The following ZNF664 variants were observed in gnomAD, a reference collection of about 807,000 sequenced individuals.
ZNF664 encodes zinc finger Organ of Corti 1.
ZNF664 carries 10 observed loss-of-function variants against 18.2 expected under a neutral mutation model. The observed-to-expected ratio is 0.55, with a 90% confidence interval of 0.34 to 0.93. The LOEUF (loss-of-function observed/expected upper bound fraction) is 0.93. ZNF664 is among the 40% of genes least tolerant of loss of function. The pLI, the probability that ZNF664 is intolerant of heterozygous loss-of-function variation, is 0.02. For synonymous variants in ZNF664, 119 were observed against 104.2 expected, an observed-to-expected ratio of 1.14 and a Z score of -0.86; for missense variants, 193 against 319.0, an observed-to-expected ratio of 0.61 and a Z score of 3.01.
At chr12:123,983,000 C>T (rs557248792) in intron 2 of ZNF664, among the ~76,000 whole-genome samples, 9 of 152,056 alleles carry the variant, frequency 5.9e-5, no homozygotes, top group Non-Finnish European at 1.3e-4. Flanking sequence ...ACCAAAAATA[C>T]AAAAATTAGC....
At chr12:124,000,242 C>G (rs1186621943) in intron 3 of ZNF664, among the ~76,000 whole-genome samples, 1 of 152,188 alleles carries the variant, frequency 6.6e-6, no homozygotes, top group Non-Finnish European at 1.5e-5. Context: ...CACACCACCT[C>G]TGTTCTCCTC....
chr12:123,974,058 T>C, intron 2 of ZNF664, 38 bp downstream of exon 2: 2 of 1,037,772 alleles, frequency 1.9e-6, no homozygotes, highest in Non-Finnish European at 2.4e-6. Flanking sequence ...TCCCTCTGAC[T>C]CCCGCCTCCG....
chr12:123,995,378 ATTC>A (rs1956936445), intron 3 of ZNF664, among the ~76,000 whole-genome samples: 5 of 152,208 alleles, frequency 3.3e-5, no homozygotes, highest in Admixed American at 3.3e-4. Context: ...CTAAAATGCA[ATTC>A]TGATTTGGTA....
intron 3 of ZNF664, among the ~76,000 whole-genome samples, chr12:123,992,838 G>A (rs2138381098): frequency 6.6e-6 from 1 of 152,322 alleles, no homozygotes; most frequent in South Asian, 2.1e-4. Context: ...GCTTTGTGGT[G>A]TGGAGGATTT....
chr12:124,014,995 G>A lies in ZNF664; in HGVS notation c.*2065G>A, dbSNP rs1048497. 0.11 allele frequency: 18,983 copies of A among 166,918 alleles called. 1,171 individuals carry two copies. The highest frequency in any genetic ancestry group is 0.16 in the Non-Finnish European group (11,147 of 67,976). 10.3% of individuals were successfully genotyped at this position (166,918 alleles called of 1,614,324 possible). A position where few individuals can be genotyped will look rare whatever the true frequency, so the allele number is the denominator to read the frequency against. On this transcript the variant is annotated 3_prime_UTR_variant, in exon 5 of 5. Coordinates refer to ENST00000337815, the MANE Select transcript of ZNF664 (RefSeq NM_152437.3). ...TTCCAGGCCTGAATTCCACAAGTACGATTTACTGTAGTGTCTTATCACTCT... is the reference window on the plus strand; with the variant it reads ...TTCCAGGCCTGAATTCCACAAGTACAATTTACTGTAGTGTCTTATCACTCT...
At chr12:124,010,321 C>T (rs188210140) in intron 3 of ZNF664, among the ~76,000 whole-genome samples, 1 of 152,248 alleles carries the variant, frequency 6.6e-6, no homozygotes, top group East Asian at 1.9e-4. Context: ...AAAAGTGTTA[C>T]TTTAAGAAGA....
Position 124,012,650 on chromosome 12 carries a change from A to G in ZNF664, c.506A>G (p.Lys169Arg). The change falls in exon 5 of 5, where the codon AAA becomes AGA. Residue 169 changes from lysine to arginine, a missense_variant. Around this residue, in one of 3 missense-constraint regions of ZNF664, gnomAD observed 61 missense variants for 153.7 expected, o/e 0.40. Transcript: ENST00000337815. The part of the protein sequence containing the change: ...CMHQRVHTGE[K>R]PYKCYECGKA... ...CATCAAAGAGTCCACACAGGAGAGA[A>G]ACCCTATAAATGTTATGAGTGTGGG... The G allele has an allele frequency of 6.2e-7, 1 of 1,614,202 alleles. No individual in the cohort carries two copies. The highest frequency in any genetic ancestry group is 8.5e-7 in the Non-Finnish European group (1 of 1,180,018).
chr12:124,011,972 C>T lies in ZNF664; in HGVS notation c.-173C>T, dbSNP rs573597891. On this transcript the variant is annotated 5_prime_UTR_variant, in exon 5 of 5. Coordinates refer to ENST00000337815, the MANE Select transcript of ZNF664 (RefSeq NM_152437.3). ...GAACACTATGCAGGAAGAAACCTTC[C>T]GTAGAAAGACAGGCAGGGAAAAGCT... 214 of 1,426,778 alleles carry T rather than the reference C, an allele frequency of 1.5e-4. No individual in the cohort carries two copies. The South Asian group carries it at 2.2e-3, about 15-fold the overall frequency. 88.4% of individuals were successfully genotyped at this position (1,426,778 alleles called of 1,614,324 possible). A position where few individuals can be genotyped will look rare whatever the true frequency, so the allele number is the denominator to read the frequency against.
At chr12:124,000,302 T>C (rs998982014) in intron 3 of ZNF664, among the ~76,000 whole-genome samples, 1 of 152,180 alleles carries the variant, frequency 6.6e-6, no homozygotes, top group African/African-American at 2.4e-5. Flanking sequence ...ATGGCCTTGC[T>C]TCCTGCTTCC....
At position 124,014,726 on chromosome 12, in the gene ZNF664, A is replaced by AT. The variant is rs1358181323; in HGVS notation, c.*1802dup. 2 of 166,914 alleles carry AT rather than the reference A, an allele frequency of 1.2e-5. No individual in the cohort carries two copies. The highest frequency in any genetic ancestry group is 2.9e-5 in the Non-Finnish European group (2 of 68,102). 10.3% of individuals were successfully genotyped at this position (166,914 alleles called of 1,614,324 possible). A position where few individuals can be genotyped will look rare whatever the true frequency, so the allele number is the denominator to read the frequency against. ...GATTTTTCTTTCCATATTTGAATTA[A>AT]TTTTTTCTGTTTGACTGGAAGGGGT... On this transcript the variant is annotated 3_prime_UTR_variant, in exon 5 of 5. Coordinates refer to ENST00000337815, the MANE Select transcript of ZNF664 (RefSeq NM_152437.3).
intron 3 of ZNF664, among the ~76,000 whole-genome samples, chr12:123,994,323 G>A (rs1956922753): frequency 6.6e-6 from 1 of 152,132 alleles, no homozygotes; most frequent in Non-Finnish European, 1.5e-5. Flanking sequence ...TATGTGGGTT[G>A]CAGGCTTTGG....
At chr12:123,990,537 GTTC>G (rs1477281402) in intron 3 of ZNF664, among the ~76,000 whole-genome samples, 10 of 152,146 alleles carry the variant, frequency 6.6e-5, no homozygotes, top group African/African-American at 9.7e-5. Context: ...TTTCCGGTCT[GTTC>G]TTCTTTTCTT....
intron 3 of ZNF664, among the ~76,000 whole-genome samples, chr12:124,006,426 C>G (rs528591602): frequency 1.3e-5 from 2 of 152,196 alleles, no homozygotes; most frequent in South Asian, 4.1e-4. Context: ...TCCTGTACCC[C>G]CGTCTTCAGG....
At chr12:124,003,923 C>G (rs1217074563) in intron 3 of ZNF664, among the ~76,000 whole-genome samples, 1 of 152,186 alleles carries the variant, frequency 6.6e-6, no homozygotes, top group Non-Finnish European at 1.5e-5. Flanking sequence ...TATTCAGCCA[C>G]TTGGGTGCGT....
intron 2 of ZNF664, among the ~76,000 whole-genome samples, chr12:123,976,573 T>A (rs1956694277): frequency 6.6e-6 from 1 of 152,136 alleles, no homozygotes; most frequent in Admixed American, 6.5e-5. Flanking sequence ...GGTTGGGATT[T>A]ACGAAGAGGA....
At chr12:123,991,737 G>A (rs1053204587) in intron 3 of ZNF664, among the ~76,000 whole-genome samples, 28 of 152,198 alleles carry the variant, frequency 1.8e-4, no homozygotes, top group African/African-American at 6.5e-4. Flanking sequence ...CATTCCAGAG[G>A]TCATTTTGTG....
intron 3 of ZNF664, among the ~76,000 whole-genome samples, chr12:124,001,350 A>T (rs1957009716): frequency 6.6e-6 from 1 of 152,228 alleles, no homozygotes; most frequent in African/African-American, 2.4e-5. Flanking sequence ...ATCTGATGTT[A>T]CTACCAAATT....
At chr12:123,998,358 C>T (rs772001793) in intron 3 of ZNF664, 1 of 152,108 alleles carries the variant, frequency 6.6e-6, no homozygotes, top group Non-Finnish European at 1.5e-5. Flanking sequence ...ACTACTATCT[C>T]CTGGGTGTCT....
intron 2 of ZNF664, among the ~76,000 whole-genome samples, chr12:123,978,066 C>T (rs1183373521): frequency 3.3e-5 from 5 of 151,494 alleles, no homozygotes; most frequent in African/African-American, 1.2e-4. Flanking sequence ...ACAGGGCACT[C>T]AAATCTGTAA....
Sources: gnomAD v4.1 joint callset for allele counts (sites outside exome capture counted in the v4.1 genomes callset) on GRCh38, gnomAD v4.1.1 for gene constraint, gnomAD v4.1.1 regional missense constraint, MANE v1.5 for transcripts, NCBI Gene and HGNC (gene_info 2026-07-23, HGNC 2026-07-21) for gene names.